CAMK1: variants seen among roughly 807,000 people sequenced by gnomAD.
The protein encoded by CAMK1 is calcium/calmodulin-dependent protein kinase type 1.
Under a neutral mutation model 49.1 loss-of-function variants are expected in CAMK1, and 39 were observed. The observed-to-expected ratio is 0.79, with a 90% CI of 0.62 to 1.04. The LOEUF (loss-of-function observed/expected upper bound fraction) is 1.04. CAMK1 is among the 50% of genes least tolerant of loss of function. CAMK1 has a pLI of 0.00. For missense variants in CAMK1, 457 were observed against 472.2 expected (o/e 0.97, Z 0.30); for synonymous variants, 192 against 185.2 (o/e 1.04, Z -0.30).
At chr3:9,760,953 C>T (rs371068487) in intron 7 of CAMK1, 185 bp from the exon 8 acceptor site, 10 of 854,642 alleles carry the variant, frequency 1.2e-5, no homozygotes, top group Admixed American at 3.0e-5. Flanking sequence ...TTGTATGTGC[C>T]GCCATCTTGC....
chr3:9,760,959 C>T (rs568784832), intron 7 of CAMK1, 191 bp from the exon 8 acceptor site: 2 of 809,688 alleles, frequency 2.5e-6, no homozygotes, highest in African/African-American at 3.5e-5. Context: ...GTGCCGCCAT[C>T]TTGCCCTCCT....
At chr3:9,766,285 T>C in intron 2 of CAMK1, 1 of 701,860 alleles carries the variant, frequency 1.4e-6, no homozygotes. Flanking sequence ...CTGATAACAT[T>C]ATGTGGCCCT....
intron 5 of CAMK1, chr3:9,762,204 C>G (rs551386811): frequency 2.4e-5 from 4 of 163,732 alleles, no homozygotes; most frequent in African/African-American, 7.2e-5. Context: ...TGTCACACCC[C>G]AAGTGCCCTT....
intron 1 of CAMK1, among the ~76,000 whole-genome samples, chr3:9,769,009 C>T (rs201266198): frequency 6.6e-6 from 1 of 152,206 alleles, no homozygotes; most frequent in East Asian, 1.9e-4. Context: ...ACCAAGCCCC[C>T]TCCACAGCCC....
chr3:9,768,218 C>A (rs1026145021), intron 1 of CAMK1, among the ~76,000 whole-genome samples: 1 of 152,206 alleles, frequency 6.6e-6, no homozygotes. Flanking sequence ...CTCCTCCTTC[C>A]CCCGACTCCC....
intron 1 of CAMK1, among the ~76,000 whole-genome samples, 151 bp downstream of exon 1, chr3:9,769,681 G>A (rs2078257537): frequency 6.6e-6 from 1 of 152,204 alleles, no homozygotes; most frequent in African/African-American, 2.4e-5. Flanking sequence ...TGGGACAGAG[G>A]TGGAGAAAGG....
At position 9,765,848 on chromosome 3, in the gene CAMK1, C is replaced by A. The variant is rs778831944; in HGVS notation, c.126G>T (p.Thr42=). The A allele has an allele frequency of 1.2e-6, 2 of 1,613,854 alleles. No homozygotes were observed. The highest frequency in any genetic ancestry group is 1.7e-5 in the Admixed American group (1 of 59,996). The change falls in exon 3 of 12, where the codon ACG becomes ACT. Residue 42 remains threonine, a synonymous_variant. Transcript: ENST00000256460. ...SEVILAEDKR[T]QKLVAIKCIA... ...TGCATTTGATGGCCACCAGCTTCTG[C>A]GTCCTCTTATCTTCTGCCAGGATCA...
In CAMK1 at chr3:9,765,889, C is replaced by T; in HGVS notation, c.85G>A (p.Gly29Arg). ...GCCAGGATCACCTCCGAGAAGGCCC[C>T]CCTATCGGGAGAGGGGATTCACAAG... ...IYDFRDVLGTGAFSEVILAED... is the reference protein window; with the variant it reads ...IYDFRDVLGTRAFSEVILAED... Residue 29 changes from glycine to arginine, a missense_variant and splice_region_variant, in exon 3 of 12, where the codon GGG becomes AGG. Transcript: ENST00000256460. 1 of 1,614,144 alleles carries T rather than the reference C, an allele frequency of 6.2e-7. No homozygotes were observed. The highest frequency in any genetic ancestry group is 8.5e-7 in the Non-Finnish European group (1 of 1,180,028).
intron 8 of CAMK1, chr3:9,760,251 AAG>A (rs1203486634): frequency 5.4e-6 from 1 of 185,686 alleles, no homozygotes; most frequent in Non-Finnish European, 1.1e-5. Flanking sequence ...TCAAAAAAGA[AAG>A]AAAAAAAAAA....
Position 9,759,331 on chromosome 3 carries a change from T to C in CAMK1, c.912+157A>G, listed in dbSNP as rs747365546. On this transcript the variant is annotated intron_variant, in intron 10 of 11. Coordinates refer to ENST00000256460, the MANE Select transcript of CAMK1 (RefSeq NM_003656.5). ...ATAGAGAAGGTGTTGGGAGTGTTTG[T>C]TGAATGAAAGAGTGAATGAATGAAG... 8 of 1,574,416 alleles carry C rather than the reference T, an allele frequency of 5.1e-6. No homozygotes were observed. In the South Asian group the frequency reaches 7.8e-5, roughly 15 times the overall value.
chr3:9,757,758 T>G lies in CAMK1; in HGVS notation c.1001A>C (p.His334Pro), dbSNP rs201838059. 6.2e-7 allele frequency: 1 copy of G among 1,614,160 alleles called. No individual in the cohort carries two copies. The highest frequency in any genetic ancestry group is 1.3e-5 in the African/African-American group (1 of 75,046). The change falls in exon 11 of 12, where the codon CAT (histidine) becomes CCT (proline). Residue 334 changes from histidine to proline, a missense_variant. His to Pro is a moderately conservative substitution (Grantham distance 77, BLOSUM62 -2). Coordinates refer to ENST00000256460, the MANE Select transcript of CAMK1 (RefSeq NM_003656.5). This position sits in a 1 kb window ranked among gnomAD's most constrained non-coding sequence, Gnocchi z 4.5. ...SQEGQGQTASHGELLTPVAGG... is the reference protein window; with the variant it reads ...SQEGQGQTASPGELLTPVAGG... The stretch of plus-strand genomic sequence containing the variant: ...AGCCACTGGTGTCAGCAGCTCCCCA[T>G]GGCTCGCCGTCTGCCCCTGCCCCTC...
chr3:9,760,070 G>C (rs1342903585), intron 8 of CAMK1: 1 of 231,456 alleles, frequency 4.3e-6, no homozygotes, highest in African/African-American at 2.2e-5. Context: ...GTGAAACCTT[G>C]TTTCTACTAA....
chr3:9,768,298 C>A (rs969446244), intron 1 of CAMK1, among the ~76,000 whole-genome samples: 3 of 152,238 alleles, frequency 2.0e-5, no homozygotes, highest in East Asian at 3.8e-4. Flanking sequence ...TTTTAAATAG[C>A]TCTTTCTGCA....
Position 9,760,705 on chromosome 3 carries a change from C to T in CAMK1, c.696G>A (p.Lys232=), listed in dbSNP as rs775518138. The stretch of plus-strand genomic sequence containing the variant: ...AAGGAGAGTCAAACTCGTACTCGGC[C>T]TTCAAAATCTGTTCAAAGAGTTTGG... The part of the protein sequence containing the change: ...NDAKLFEQIL[K]AEYEFDSPYW... The change falls in exon 8 of 12, where the codon AAG becomes AAA. Residue 232 remains lysine, a synonymous_variant. Transcript: ENST00000256460. The T allele has an allele frequency of 2.1e-5, 34 of 1,614,066 alleles. No homozygotes were observed. Among genetic ancestry groups the T allele is most frequent in the Non-Finnish European group, 2.8e-5 (33 of 1,179,974 alleles).
At chr3:9,765,371 CTG>C (rs1446826341) in intron 3 of CAMK1, among the ~76,000 whole-genome samples, 1 of 152,054 alleles carries the variant, frequency 6.6e-6, no homozygotes, top group Non-Finnish European at 1.5e-5. Flanking sequence ...TGGATTTAGT[CTG>C]GGGGTCAGCA....
intron 10 of CAMK1, chr3:9,758,057 C>T: frequency 4.8e-6 from 3 of 622,418 alleles, no homozygotes; most frequent in Non-Finnish European, 5.2e-6. Flanking sequence ...GTATGTGTAT[C>T]TATATATATA....
chr3:9,769,030 C>T (rs1176780964), intron 1 of CAMK1, among the ~76,000 whole-genome samples: 1 of 152,052 alleles, frequency 6.6e-6, no homozygotes, highest in African/African-American at 2.4e-5. Context: ...TGAACTCAAA[C>T]ACCTGCCTCC....
Position 9,762,790 on chromosome 3 carries a change from C to T in CAMK1, c.429+124G>A, listed in dbSNP as rs1468335798. 5 of 905,238 alleles carry T rather than the reference C, an allele frequency of 5.5e-6. No individual in the cohort carries two copies. The East Asian group carries it at 1.2e-4, about 22-fold the overall frequency. 56.1% of individuals were successfully genotyped at this position (905,238 alleles called of 1,614,324 possible). A position where few individuals can be genotyped will look rare whatever the true frequency, so the allele number is the denominator to read the frequency against. ...GAGGCAGTTTAAAGGTTACAAGATC[C>T]ACTTTGTAGATGGAAATCCAAGGCT... On this transcript the variant is annotated intron_variant, in intron 5 of 11. Coordinates refer to ENST00000256460, the MANE Select transcript of CAMK1 (RefSeq NM_003656.5).
In CAMK1 at chr3:9,761,663, A is replaced by G. The variant is rs1375061939; in HGVS notation, c.524T>C (p.Leu175Pro). ...LSKMEDPGSV[L>P]STACGTPGYV... Reference sequence around the variant, plus strand: ...TCCCGGAGTTCCACAGGCGGTGGAGAGCACACTGCCCGGGTCCTCCATCTT... The same window carrying G: ...TCCCGGAGTTCCACAGGCGGTGGAGGGCACACTGCCCGGGTCCTCCATCTT... The change falls in exon 6 of 12, where the codon CTC (leucine) becomes CCC (proline). Residue 175 changes from leucine to proline, a missense_variant. Physicochemically the swap from Leu to Pro is moderately conservative, Grantham distance 98 (BLOSUM62 -3). Transcript: ENST00000256460. The G allele has an allele frequency of 6.2e-7, 1 of 1,613,946 alleles. No homozygotes were observed. Among genetic ancestry groups the G allele is most frequent in the Non-Finnish European group, 8.5e-7 (1 of 1,180,012 alleles).
Sources: allele counts gnomAD v4.1 joint callset (sites outside exome capture counted in the v4.1 genomes callset), GRCh38; gene constraint gnomAD v4.1.1; non-coding constraint Gnocchi (gnomAD v3.1); transcripts MANE v1.5; gene names NCBI Gene and HGNC (gene_info 2026-07-23, HGNC 2026-07-21).